Variants in WNK2 observed in about 807,000 individuals in gnomAD.
WNK2 encodes WNK lysine deficient protein kinase 2.
In WNK2, 67 loss-of-function variants were observed where a neutral mutation model predicts 192.1. The observed-to-expected ratio is 0.35, with a 90% CI of 0.29 to 0.43. The LOEUF is 0.43. Ranked by LOEUF, WNK2 falls within the 20% of genes least tolerant of loss-of-function variation. The pLI is 1.00. For missense variants in WNK2, 2,698 were observed against 3,089.7 expected, an observed-to-expected ratio of 0.87 and a Z score of 3.01; for synonymous variants, 1,439 against 1,393.9, an observed-to-expected ratio of 1.03 and a Z score of -0.72.
intron 9 of WNK2, among the ~76,000 whole-genome samples, chr9:93,255,988 G>GCCTTT: frequency 6.6e-6 from 1 of 152,148 alleles, no homozygotes; most frequent in Non-Finnish European, 1.5e-5. Context: ...AGCTTCCCCA[G>GCCTTT]TTTAATGTCC....
At chr9:93,196,728 A>G (rs1179898527) in intron 2 of WNK2, among the ~76,000 whole-genome samples, 1 of 152,180 alleles carries the variant, frequency 6.6e-6, no homozygotes, top group Non-Finnish European at 1.5e-5. Context: ...TGATTGGTGT[A>G]GCAGGTTATG....
intron 2 of WNK2, among the ~76,000 whole-genome samples, chr9:93,194,484 G>GA (rs1368285333): frequency 6.6e-6 from 1 of 152,158 alleles, no homozygotes; most frequent in Non-Finnish European, 1.5e-5. Context: ...AGTCATCAGG[G>GA]AATTGCAAAT....
chr9:93,258,797 C>T lies in WNK2; in HGVS notation c.2383-134C>T, dbSNP rs905927684. 62 of 745,370 alleles carry T rather than the reference C, an allele frequency of 8.3e-5. No individual in the cohort carries two copies. In the Admixed American group the frequency reaches 1.2e-3, roughly 15 times the overall value. The allele number at this position is 745,370 out of a possible 1,614,324, so 46.2% of individuals were successfully genotyped here. Reference sequence around the variant, plus strand: ...CAACAGCAGCTACACAAAGGTGTCTCGGAGGGAAAGGGTCATGCTGTCTTC... The same window carrying T: ...CAACAGCAGCTACACAAAGGTGTCTTGGAGGGAAAGGGTCATGCTGTCTTC... On this transcript the variant is annotated intron_variant, in intron 11 of 29. Transcript: ENST00000427277.
Position 93,320,564 on chromosome 9 carries a change from C to A in WNK2, c.*172C>A. The A allele has an allele frequency of 2.7e-6, 2 of 741,934 alleles. No homozygotes were observed. The highest frequency in any genetic ancestry group is 3.9e-6 in the Non-Finnish European group (2 of 517,838). The allele number at this position is 741,934 out of a possible 1,614,324, so 46.0% of individuals were successfully genotyped here. On this transcript the variant is annotated 3_prime_UTR_variant, in exon 30 of 30. Transcript: ENST00000427277. ...TGCAAGAATAAAAAATATTTTGGGGCAGAAAGGACTTTGGTTTTTCAAACT... is the reference window on the plus strand; with the variant it reads ...TGCAAGAATAAAAAATATTTTGGGGAAGAAAGGACTTTGGTTTTTCAAACT...
At chr9:93,307,179 A>G (rs1225166778) in intron 27 of WNK2, 2 of 336,696 alleles carry the variant, frequency 5.9e-6, no homozygotes, top group African/African-American at 4.3e-5. Flanking sequence ...CCCCACGAGG[A>G]GAGATGCCAG....
chr9:93,256,430 C>A lies in WNK2; in HGVS notation c.2166C>A (p.Gly722=). The A allele has an allele frequency of 6.5e-7, 1 of 1,533,444 alleles. No homozygotes were observed. 95.0% of individuals were successfully genotyped at this position (1,533,444 alleles called of 1,614,324 possible). Residue 722 remains glycine, a synonymous_variant, in exon 10 of 30, where the codon GGC becomes GGA. Coordinates refer to ENST00000427277, the MANE Select transcript of WNK2 (RefSeq NM_006648.4). ...PPSTPMPTGP[G]QPAPPGQQPP... ...GCACCCCCATGCCCACGGGCCCAGG[C>A]CAGCCAGCACCCCCCGGCCAGCAGG...
chr9:93,185,048 G>C lies in WNK2; in HGVS notation c.119G>C (p.Arg40Pro). 1 of 1,294,568 alleles carries C rather than the reference G, an allele frequency of 7.7e-7. No individual in the cohort carries two copies. Among genetic ancestry groups the C allele is most frequent in the Non-Finnish European group, 9.8e-7 (1 of 1,021,122 alleles). 80.2% of individuals were successfully genotyped at this position (1,294,568 alleles called of 1,614,324 possible). A position where few individuals can be genotyped will look rare whatever the true frequency, so the allele number is the denominator to read the frequency against. ...RAKAARPGPQRFLRRSVVESD... is the reference protein window; with the variant it reads ...RAKAARPGPQPFLRRSVVESD... The stretch of plus-strand genomic sequence containing the variant: ...AAGGCGGCGCGGCCGGGGCCCCAGC[G>C]CTTTCTGCGGCGCAGCGTGGTAGAG... The change falls in exon 2 of 30, where the codon CGC (arginine) becomes CCC (proline). Residue 40 changes from arginine to proline, a missense_variant. By Grantham distance (103) the Arg-to-Pro change is moderately radical (BLOSUM62 -2). This residue lies in a region of WNK2 where 260 missense variants were observed against 285.6 expected (regional missense o/e 0.91). Transcript: ENST00000427277.
intron 19 of WNK2, among the ~76,000 whole-genome samples, chr9:93,271,805 C>T (rs574456628): frequency 1.3e-5 from 2 of 152,328 alleles, no homozygotes; most frequent in Admixed American, 6.5e-5. Flanking sequence ...CGTAAGTCTA[C>T]AGATTCTAGA....
Position 93,292,739 on chromosome 9 carries a change from C to T in WNK2, c.5274C>T (p.Thr1758=). The T allele has an allele frequency of 6.4e-7, 1 of 1,562,784 alleles. No individual in the cohort carries two copies. The highest frequency in any genetic ancestry group is 8.7e-7 in the Non-Finnish European group (1 of 1,154,664). ...TGGTCAGCACTCAGGACGAGTGGAC[C>T]CTGGCCTCCCCCCACAGCCTGAGAT... is the stretch of plus-strand genomic sequence containing the variant. ...FSVVSTQDEW[T]LASPHSLRYS... is the part of the protein sequence containing the mutation. Residue 1758 remains threonine (T), a synonymous_variant, in exon 23 of 30, where the codon ACC becomes ACT. Coordinates refer to ENST00000427277, the MANE Select transcript of WNK2 (RefSeq NM_006648.4).
chr9:93,237,271 C>T (rs2132207905), intron 5 of WNK2, among the ~76,000 whole-genome samples: 3 of 152,150 alleles, frequency 2.0e-5, no homozygotes, highest in Admixed American at 2.0e-4. Flanking sequence ...TTTTATGTCC[C>T]CTTATCTTTT....
At chr9:93,301,535 T>TG (rs1009783605) in intron 26 of WNK2, among the ~76,000 whole-genome samples, 5 of 152,200 alleles carry the variant, frequency 3.3e-5, no homozygotes, top group Non-Finnish European at 7.3e-5. Flanking sequence ...CTGGGTGGCC[T>TG]GGTGTCTGGT....
intron 2 of WNK2, among the ~76,000 whole-genome samples, chr9:93,209,809 G>A (rs954403121): frequency 7.2e-5 from 11 of 152,174 alleles, no homozygotes; most frequent in African/African-American, 2.7e-4. Flanking sequence ...CTTCCCCCAG[G>A]ATCCCAGGGG....
intron 2 of WNK2, among the ~76,000 whole-genome samples, chr9:93,211,197 C>T (rs1363233587): frequency 1.5e-3 from 6 of 4,084 alleles, no homozygotes; most frequent in Non-Finnish European, 1.4e-3. Flanking sequence ...CACACACTCA[C>T]ACATTTACTC....
intron 27 of WNK2, chr9:93,308,062 A>C: frequency 1.7e-6 from 1 of 578,958 alleles, no homozygotes; most frequent in East Asian, 3.1e-5. Flanking sequence ...TGCTGAGCAG[A>C]GGCTGCCGGC....
chr9:93,249,291 G>A (rs1424708425), intron 8 of WNK2, among the ~76,000 whole-genome samples: 3 of 152,162 alleles, frequency 2.0e-5, no homozygotes, highest in African/African-American at 7.2e-5. Flanking sequence ...TATATGTTTA[G>A]CTTGTGGTCA....
intron 2 of WNK2, among the ~76,000 whole-genome samples, chr9:93,217,080 T>C (rs554183666): frequency 2.0e-5 from 3 of 151,872 alleles, no homozygotes; most frequent in African/African-American, 7.2e-5. Context: ...TGCCTCAGCC[T>C]CCCAAGTAGC....
At chr9:93,214,903 G>A (rs1050278734) in intron 2 of WNK2, among the ~76,000 whole-genome samples, 1 of 151,412 alleles carries the variant, frequency 6.6e-6, no homozygotes, top group African/African-American at 2.4e-5. Context: ...TTATTTTAGA[G>A]ATGAGGCCTT....
At chr9:93,306,736 C>T in intron 26 of WNK2, 41 bp from the exon 27 acceptor site, 1 of 1,613,652 alleles carries the variant, frequency 6.2e-7, no homozygotes, top group Non-Finnish European at 8.5e-7. Flanking sequence ...TGCTGTTCTG[C>T]CTAACCCTGT....
chr9:93,263,400 G>A (rs1844606711), intron 14 of WNK2, 166 bp from the exon 15 acceptor site: 12 of 807,302 alleles, frequency 1.5e-5, no homozygotes, highest in Non-Finnish European at 2.3e-5. Flanking sequence ...AGCTGGGTGA[G>A]GGCCCAGAAG....
Sources: allele counts gnomAD v4.1 joint callset (sites outside exome capture counted in the v4.1 genomes callset), GRCh38; gene constraint gnomAD v4.1.1; regional missense constraint gnomAD v4.1.1; transcripts MANE v1.5; gene names NCBI Gene and HGNC (gene_info 2026-07-23, HGNC 2026-07-21).